Variants in OCSTAMP observed in about 807,000 individuals in gnomAD.
The protein encoded by OCSTAMP is transmembrane protein C20orf123.
A neutral mutation model predicts 25.2 loss-of-function variants in OCSTAMP; 17 were observed. That is an observed-to-expected ratio of 0.68 (90% CI 0.46 to 1.01). The LOEUF (loss-of-function observed/expected upper bound fraction) is 1.01, where lower values mean the gene tolerates loss of function less well. Among genes scored for constraint, OCSTAMP ranks in the 50% least tolerant of loss-of-function variants. The pLI is 0.00. For synonymous variants in OCSTAMP, 345 were observed against 318.9 expected, an observed-to-expected ratio of 1.08 and a Z score of -0.87; for missense variants, 664 against 694.6, an observed-to-expected ratio of 0.96 and a Z score of 0.50.
At chr20:46,543,538 G>A (rs1290412483) in intron 2 of OCSTAMP, among the ~76,000 whole-genome samples, 1 of 151,644 alleles carries the variant, frequency 6.6e-6, no homozygotes, top group Non-Finnish European at 1.5e-5. Context: ...CATGTTGTTG[G>A]CCAGGCTGGT....
intron 1 of OCSTAMP, among the ~76,000 whole-genome samples, chr20:46,548,587 A>G (rs2061860566): frequency 6.6e-6 from 1 of 152,214 alleles, no homozygotes; most frequent in Non-Finnish European, 1.5e-5. Context: ...GCAATAACAT[A>G]TGTGCTGGGC....
At chr20:46,548,399 T>C (rs1381262560) in intron 1 of OCSTAMP, among the ~76,000 whole-genome samples, 1 of 152,222 alleles carries the variant, frequency 6.6e-6, no homozygotes, top group Admixed American at 6.5e-5. Context: ...TGCCATGTTG[T>C]GAGTGCTCCA....
rs2061850074 is a variant in OCSTAMP at position 46,545,815 on chromosome 20, A to G, written c.559T>C (p.Phe187Leu). The change falls in exon 2 of 3, where the codon TTT becomes CTT. Residue 187 changes from phenylalanine (F) to leucine (L), a missense_variant. Physicochemically the swap from Phe to Leu is conservative, Grantham distance 22. Coordinates refer to ENST00000279028, the MANE Select transcript of OCSTAMP (RefSeq NM_080721.3). ...GCAGAGCCATTGTCCTGGGCCTCAA[A>G]TGTCAGGCCCCGGCTGCCTGCCTGG... The part of the protein sequence containing the change: ...TGQAGSRGLT[F>L]EAQDNGSAFY... 2 of 1,551,212 alleles carry G rather than the reference A, an allele frequency of 1.3e-6. No homozygotes were observed. Among genetic ancestry groups the G allele is most frequent in the Non-Finnish European group, 1.7e-6 (2 of 1,146,990 alleles).
At position 46,545,387 on chromosome 20, in the gene OCSTAMP, A is replaced by C. The variant is rs202396; in HGVS notation, c.987T>G (p.Ala329=). The C allele has an allele frequency of 0.14, 215,153 of 1,534,988 alleles. 20,040 individuals carry two copies. Among genetic ancestry groups the C allele is most frequent in the African/African-American group, 0.47 (34,158 of 72,350 alleles). The change falls in exon 2 of 3, where the codon GCT becomes GCG. Residue 329 remains alanine (A), a synonymous_variant. Coordinates refer to ENST00000279028, the MANE Select transcript of OCSTAMP (RefSeq NM_080721.3). ...TDHVAFLLAQ[A]TVDWAQKLPT... ...GCAACTTCTGAGCCCAGTCCACAGT[A>C]GCCTGTGCCAGGAGGAAGGCTACAT...
In OCSTAMP at chr20:46,546,073, G is replaced by T; in HGVS notation, c.301C>A (p.Pro101Thr). Residue 101 changes from proline (P) to threonine (T), a missense_variant, in exon 2 of 3, where the codon CCA becomes ACA. Physicochemically the swap from Pro to Thr is conservative, Grantham distance 38. Coordinates refer to ENST00000279028, the MANE Select transcript of OCSTAMP (RefSeq NM_080721.3). The stretch of plus-strand genomic sequence containing the variant: ...CTGAGTGCAAACAGGCAGCGGACTG[G>T]GGGTACCAGGCCCAGGCTCAGGAAG... The part of the protein sequence containing the change: ...LVFLSLGLVP[P>T]VRCLFALSVP... 5 of 1,551,650 alleles carry T rather than the reference G, an allele frequency of 3.2e-6. No individual in the cohort carries two copies. The highest frequency in any genetic ancestry group is 4.4e-6 in the Non-Finnish European group (5 of 1,147,008).
chr20:46,544,618 C>A (rs2061845296), intron 2 of OCSTAMP, among the ~76,000 whole-genome samples: 1 of 152,136 alleles, frequency 6.6e-6, no homozygotes, highest in South Asian at 2.1e-4. Context: ...AGTAATATAT[C>A]CGATTATAAG....
Position 46,545,709 on chromosome 20 carries a change from G to A in OCSTAMP, c.665C>T (p.Ala222Val), listed in dbSNP as rs757409557. 103 of 1,551,500 alleles carry A rather than the reference G, an allele frequency of 6.6e-5. No individual in the cohort carries two copies. The East Asian group carries it at 1.1e-3, about 16-fold the overall frequency. The change falls in exon 2 of 3, where the codon GCG (alanine) becomes GTG (valine). Residue 222 changes from alanine (A) to valine (V), a missense_variant. Ala to Val is a moderately conservative substitution (Grantham distance 64). Coordinates refer to ENST00000279028, the MANE Select transcript of OCSTAMP (RefSeq NM_080721.3). ...SGLESLARAA[A>V]LGTQRVVTGL... ...TGTGACCACTCGCTGGGTCCCTAGC[G>A]CTGCTGCCCGGGCCAGGGACTCCAG...
intron 1 of OCSTAMP, among the ~76,000 whole-genome samples, chr20:46,547,366 A>G (rs2061856417): frequency 6.6e-6 from 1 of 152,172 alleles, no homozygotes; most frequent in Non-Finnish European, 1.5e-5. Flanking sequence ...CCAACTTTAT[A>G]TCCCTACCTA....
chr20:46,545,268 G>A (rs1171499349), intron 2 of OCSTAMP, 59 bp downstream of exon 2: 46 of 1,409,896 alleles, frequency 3.3e-5, no homozygotes, highest in Non-Finnish European at 4.1e-5. Flanking sequence ...GGGTTTAACA[G>A]ATTCTCCCCC....
chr20:46,540,979 C>G lies in OCSTAMP; in HGVS notation c.*295G>C, dbSNP rs760216889. On this transcript the variant is annotated 3_prime_UTR_variant, in exon 3 of 3. Transcript: ENST00000279028. Reference sequence around the variant, plus strand: ...ATATTTTAATTTGGCAAAATCTAATCCTGGCAATGGAAAGGCCCTGAAGGA... The same window carrying G: ...ATATTTTAATTTGGCAAAATCTAATGCTGGCAATGGAAAGGCCCTGAAGGA... The G allele has an allele frequency of 3.2e-6, 1 of 312,690 alleles. No individual in the cohort carries two copies. Among genetic ancestry groups the G allele is most frequent in the East Asian group, 5.6e-5 (1 of 17,992 alleles). The allele number at this position is 312,690 out of a possible 1,614,324, so 19.4% of individuals were successfully genotyped here. A position where few individuals can be genotyped will look rare whatever the true frequency, so the allele number is the denominator to read the frequency against.
Position 46,550,510 on chromosome 20 carries a change from G to T in OCSTAMP, c.44+7C>A, listed in dbSNP as rs1469121133. 4 of 1,551,444 alleles carry T rather than the reference G, an allele frequency of 2.6e-6. No homozygotes were observed. Among genetic ancestry groups the T allele is most frequent in the African/African-American group, 1.4e-5 (1 of 73,042 alleles). On this transcript the variant is annotated splice_region_variant and intron_variant, in intron 1 of 2. Transcript: ENST00000279028. ...TAGCCCTCAGTGTCCAAAGTCCCCA[G>T]ACCTACCCGGTCTTGACAAGTTGCT...
chr20:46,549,257 G>T (rs2061862690), intron 1 of OCSTAMP, among the ~76,000 whole-genome samples: 1 of 152,184 alleles, frequency 6.6e-6, no homozygotes, highest in South Asian at 2.1e-4. Context: ...TGGCACAGAA[G>T]AGGGATCCTA....
intron 2 of OCSTAMP, among the ~76,000 whole-genome samples, chr20:46,543,906 TG>T (rs1442938044): frequency 5.3e-5 from 8 of 152,126 alleles, no homozygotes; most frequent in Admixed American, 2.0e-4. Flanking sequence ...CTGTGACCTA[TG>T]GTAAGAAATG....
Position 46,541,385 on chromosome 20 carries a change from A to G in OCSTAMP, c.1590T>C (p.Pro530=), listed in dbSNP as rs1330979641. ...TGTCGTTATGCAGATGTAGAAACCG[A>G]GGCTCAGAGAGGTGAAGTGACTTAC... ...TLGKSLHLSE[P]RFLHLHNDSI... The change falls in exon 3 of 3, where the codon CCT becomes CCC. Residue 530 remains proline (P), a synonymous_variant. Transcript: ENST00000279028. 1.5e-5 allele frequency: 14 copies of G among 940,662 alleles called. No individual in the cohort carries two copies. The East Asian group carries it at 3.7e-4, about 25-fold the overall frequency. The allele number at this position is 940,662 out of a possible 1,614,324, so 58.3% of individuals were successfully genotyped here. A position where few individuals can be genotyped will look rare whatever the true frequency, so the allele number is the denominator to read the frequency against.
chr20:46,543,300 TC>T, intron 2 of OCSTAMP, among the ~76,000 whole-genome samples: 1 of 48,256 alleles, frequency 2.1e-5, no homozygotes, highest in African/African-American at 1.1e-4. Context: ...TCTCTCTTTC[TC>T]TTTCCTTTCT....
intron 2 of OCSTAMP, among the ~76,000 whole-genome samples, chr20:46,542,572 C>A (rs1462619624): frequency 1.8e-3 from 1 of 556 alleles, no homozygotes; most frequent in African/African-American, 0.012. Flanking sequence ...AAGACTCTGT[C>A]TCAAAAAAAA....
At position 46,543,933 on chromosome 20, in the gene OCSTAMP, G is replaced by T. The variant is rs191007488; in HGVS notation, c.1047+1394C>A. Among the ~76,000 whole-genome samples the T allele has an allele frequency of 6.6e-5, 10 of 152,234 alleles. No individual in the cohort carries two copies. In the East Asian group the frequency reaches 1.9e-3, roughly 29 times the overall value. On this transcript the variant is annotated intron_variant, in intron 2 of 2. Coordinates refer to ENST00000279028, the MANE Select transcript of OCSTAMP (RefSeq NM_080721.3). ...GTAAGAAATGCATTTTACAGGCCAG[G>T]CATGGTGGCTTATGCCTGTAATCCC...
At chr20:46,547,711 C>T (rs1034369112) in intron 1 of OCSTAMP, among the ~76,000 whole-genome samples, 9 of 151,952 alleles carry the variant, frequency 5.9e-5, no homozygotes, top group Non-Finnish European at 8.8e-5. Context: ...CCAGGAGAGA[C>T]GGGAAGGAGA....
At position 46,550,595 on chromosome 20, in the gene OCSTAMP, C is replaced by A. The variant is rs16991469; in HGVS notation, c.-35G>T. 1.3e-6 allele frequency: 2 copies of A among 1,550,344 alleles called. No homozygotes were observed. Among genetic ancestry groups the A allele is most frequent in the Non-Finnish European group, 1.7e-6 (2 of 1,146,072 alleles). On this transcript the variant is annotated 5_prime_UTR_variant, in exon 1 of 3. Transcript: ENST00000279028. ...ATGGCAGTGGTTTCAGGCGGGCGGT[C>A]GCTGGCAGCTGTGGCAGGTGGAGAG...
Sources: allele counts gnomAD v4.1 joint callset (sites outside exome capture counted in the v4.1 genomes callset), GRCh38; gene constraint gnomAD v4.1.1; transcripts MANE v1.5; gene names NCBI Gene and HGNC (gene_info 2026-07-23, HGNC 2026-07-21).